Variants in ABTB3 observed in about 807,000 individuals in gnomAD.
The protein encoded by ABTB3 is ankyrin repeat and BTB domain containing 3.
the ABTB3 span, among the ~76,000 whole-genome samples, chr12:107,590,965 C>T: frequency 6.6e-6 from 1 of 152,236 alleles, no homozygotes; most frequent in African/African-American, 2.4e-5. Flanking sequence ...AGGACATTAT[C>T]TTTCCTTAGC....
chr12:107,488,675 A>T, the ABTB3 span, among the ~76,000 whole-genome samples: 52 of 149,066 alleles, frequency 3.5e-4, no homozygotes, highest in Non-Finnish European at 5.9e-4. Context: ...TATATATATA[A>T]AATATTATAT....
the ABTB3 span, among the ~76,000 whole-genome samples, chr12:107,502,616 TAC>T: frequency 6.6e-6 from 1 of 152,052 alleles, no homozygotes; most frequent in African/African-American, 2.4e-5. Flanking sequence ...CACAGACTGG[TAC>T]AGGTCTGTGG....
At chr12:107,608,365 C>T in the ABTB3 span, among the ~76,000 whole-genome samples, 1 of 152,230 alleles carries the variant, frequency 6.6e-6, no homozygotes, top group Non-Finnish European at 1.5e-5. Flanking sequence ...TCACTCCTCT[C>T]ACGGCTTTTA....
the ABTB3 span, among the ~76,000 whole-genome samples, chr12:107,579,568 A>C: frequency 6.6e-6 from 1 of 152,202 alleles, no homozygotes; most frequent in Non-Finnish European, 1.5e-5. Context: ...ACATTGGATA[A>C]ATAGATCTGA....
chr12:107,603,758 A>T, the ABTB3 span, among the ~76,000 whole-genome samples: 1 of 152,240 alleles, frequency 6.6e-6, no homozygotes, highest in Non-Finnish European at 1.5e-5. Context: ...CAACAGGGTG[A>T]AGACACAACT....
chr12:107,473,205 G>T, the ABTB3 span, among the ~76,000 whole-genome samples: 2 of 152,280 alleles, frequency 1.3e-5, no homozygotes, highest in Middle Eastern at 3.4e-3. Context: ...AATGCGTACA[G>T]CCCAGTGCCT....
chr12:107,525,186 G>T, the ABTB3 span, among the ~76,000 whole-genome samples: 124 of 152,006 alleles, frequency 8.2e-4, 1 homozygote, highest in Non-Finnish European at 1.5e-4. Context: ...AATTAGCCAG[G>T]TGTGGTGGCA....
At chr12:107,617,016 C>G in the ABTB3 span, 2 of 1,489,414 alleles carry the variant, frequency 1.3e-6, no homozygotes, top group Non-Finnish European at 1.9e-6. Context: ...CTCACCCATC[C>G]CAGCAGTCTT....
chr12:107,657,131 T>C, the ABTB3 span, among the ~76,000 whole-genome samples: 1 of 152,244 alleles, frequency 6.6e-6, no homozygotes, highest in African/African-American at 2.4e-5. Flanking sequence ...GTGGGATAAC[T>C]AGCCCACTCA....
the ABTB3 span, among the ~76,000 whole-genome samples, chr12:107,363,572 G>A: frequency 1.5e-3 from 234 of 152,298 alleles, 1 homozygote; most frequent in African/African-American, 5.2e-3. Flanking sequence ...GAGAAACAGA[G>A]TTTTTCTTTA....
chr12:107,343,264 T>G, the ABTB3 span, among the ~76,000 whole-genome samples: 20 of 152,134 alleles, frequency 1.3e-4, no homozygotes. Flanking sequence ...TCCTCCTGTC[T>G]TGGCCTCCTA....
the ABTB3 span, among the ~76,000 whole-genome samples, chr12:107,591,952 A>G: frequency 6.6e-6 from 1 of 152,328 alleles, no homozygotes; most frequent in East Asian, 1.9e-4. Flanking sequence ...TCCAAAGCCT[A>G]CGTTCTCTCT....
At chr12:107,571,988 G>A in the ABTB3 span, among the ~76,000 whole-genome samples, 1 of 152,312 alleles carries the variant, frequency 6.6e-6, no homozygotes, top group Non-Finnish European at 1.5e-5. Context: ...AGTGCAGCAG[G>A]CTAAATCACA....
chr12:107,514,679 AC>A, the ABTB3 span, among the ~76,000 whole-genome samples: 5 of 152,216 alleles, frequency 3.3e-5, no homozygotes, highest in African/African-American at 1.2e-4. Flanking sequence ...ACTTCAGTTT[AC>A]CTGTATACCC....
At chr12:107,592,518 G>A in the ABTB3 span, among the ~76,000 whole-genome samples, 1 of 152,178 alleles carries the variant, frequency 6.6e-6, no homozygotes, top group Admixed American at 6.5e-5. Flanking sequence ...AAATTATACT[G>A]TGTTGTGTTC....
the ABTB3 span, among the ~76,000 whole-genome samples, chr12:107,395,533 C>A: frequency 6.6e-6 from 1 of 152,222 alleles, no homozygotes; most frequent in Admixed American, 6.5e-5. Context: ...AGCATCTACT[C>A]TATGCAGGGT....
chr12:107,518,713 G>A, the ABTB3 span, among the ~76,000 whole-genome samples: 1 of 152,060 alleles, frequency 6.6e-6, no homozygotes, highest in Middle Eastern at 3.4e-3. Context: ...TAACAAACCT[G>A]CACATTGTGC....
chr12:107,457,267 G>T, the ABTB3 span, among the ~76,000 whole-genome samples: 1 of 152,184 alleles, frequency 6.6e-6, no homozygotes, highest in Non-Finnish European at 1.5e-5. Flanking sequence ...ATCTTTGATG[G>T]TAATGGTTGT....
chr12:107,319,635 A>G, the ABTB3 span: 1 of 1,536,738 alleles, frequency 6.5e-7, no homozygotes, highest in Non-Finnish European at 8.7e-7. Context: ...ATCCACGAGC[A>G]CGCCGCCATC....
Sources: allele counts gnomAD v4.1 joint callset (sites outside exome capture counted in the v4.1 genomes callset), GRCh38; gene constraint gnomAD v4.1.1; transcripts MANE v1.5; gene names NCBI Gene and HGNC (gene_info 2026-07-23, HGNC 2026-07-21).